The following SHISA6 variants were observed in gnomAD, a reference collection of about 807,000 sequenced individuals.
The protein encoded by SHISA6 is protein shisa-6.
Under a neutral mutation model 47.9 loss-of-function variants are expected in SHISA6, and 22 were observed. The observed-to-expected ratio is 0.46, with a 90% CI of 0.33 to 0.66. The LOEUF is 0.66. Ranked by LOEUF, SHISA6 falls within the 30% of genes least tolerant of loss-of-function variation. The pLI is 0.02. For missense variants in SHISA6, 680 were observed against 764.6 expected (o/e 0.89, Z 1.30); for synonymous variants, 388 against 337.8 (o/e 1.15, Z -1.63).
chr17:11,302,845 A>G lies in SHISA6; in HGVS notation c.799+39319A>G, dbSNP rs183792202. ...TAGAAACAATATGGGGGTGGGGGAAAAAGCAGAGAGTCATCCAGGTGGAGA... is the reference window on the plus strand; with the variant it reads ...TAGAAACAATATGGGGGTGGGGGAAGAAGCAGAGAGTCATCCAGGTGGAGA... On this transcript the variant is annotated intron_variant, in intron 2 of 5. Transcript: ENST00000441885. 3.5e-3 allele frequency among the ~76,000 whole-genome samples: 526 copies of G among 151,250 alleles called. 2 individuals are homozygous for G. Among genetic ancestry groups the G allele is most frequent in the African/African-American group, 0.012 (494 of 41,318 alleles).
intron 3 of SHISA6, among the ~76,000 whole-genome samples, chr17:11,439,122 G>A (rs561768515): frequency 3.4e-4 from 52 of 152,204 alleles, no homozygotes; most frequent in Admixed American, 2.4e-3. Flanking sequence ...ATTGGCTAAG[G>A]GTATGCCTGA....
chr17:11,464,285 T>C (rs1567612777), intron 3 of SHISA6, among the ~76,000 whole-genome samples: 1 of 152,162 alleles, frequency 6.6e-6, no homozygotes, highest in African/African-American at 2.4e-5. Flanking sequence ...TCCCTCCTTT[T>C]TGGATTAACT....
intron 5 of SHISA6, 110 bp downstream of exon 5, chr17:11,556,002 A>G (rs2071975647): frequency 7.7e-7 from 1 of 1,306,572 alleles, no homozygotes; most frequent in Non-Finnish European, 1.0e-6. Flanking sequence ...AATCCCAAGA[A>G]TAAAGAAGGA....
chr17:11,361,305 C>A (rs1912275303), intron 2 of SHISA6, among the ~76,000 whole-genome samples: 1 of 152,124 alleles, frequency 6.6e-6, no homozygotes, highest in Non-Finnish European at 1.5e-5. Flanking sequence ...GGAGAATTTA[C>A]ACTTTCACAA....
At chr17:11,252,249 G>T (rs1907840046) in intron 1 of SHISA6, among the ~76,000 whole-genome samples, 1 of 152,162 alleles carries the variant, frequency 6.6e-6, no homozygotes, top group South Asian at 2.1e-4. Flanking sequence ...GCTGCTTTCT[G>T]CAGTCTTCGC....
intron 3 of SHISA6, among the ~76,000 whole-genome samples, chr17:11,447,972 G>A (rs1567608362): frequency 6.6e-6 from 1 of 152,162 alleles, no homozygotes; most frequent in Non-Finnish European, 1.5e-5. Flanking sequence ...GCCGCCAACT[G>A]TGCATTCCAC....
intron 2 of SHISA6, among the ~76,000 whole-genome samples, chr17:11,366,189 C>T (rs1395298579): frequency 1.3e-5 from 2 of 152,218 alleles, no homozygotes; most frequent in East Asian, 1.9e-4. Flanking sequence ...ATTCTGTTAC[C>T]CAGGGTGGAG....
chr17:11,381,341 G>A (rs1913000792), intron 3 of SHISA6, among the ~76,000 whole-genome samples: 1 of 152,186 alleles, frequency 6.6e-6, no homozygotes, highest in Admixed American at 6.5e-5. Context: ...ATTTAATGAG[G>A]CCTGCTATGT....
intron 3 of SHISA6, among the ~76,000 whole-genome samples, chr17:11,546,254 G>C (rs555281072): frequency 6.6e-5 from 10 of 152,244 alleles, no homozygotes; most frequent in Admixed American, 1.3e-4. Context: ...GTAGGGACTT[G>C]AATTGACTTA....
intron 2 of SHISA6, among the ~76,000 whole-genome samples, chr17:11,350,674 C>T (rs1911858168): frequency 6.6e-6 from 1 of 152,020 alleles, no homozygotes; most frequent in African/African-American, 2.4e-5. Flanking sequence ...TTTATCTTAC[C>T]TTTATCTTTA....
chr17:11,371,283 G>C (rs1345720559), intron 2 of SHISA6, among the ~76,000 whole-genome samples: 2 of 152,174 alleles, frequency 1.3e-5, no homozygotes, highest in Non-Finnish European at 2.9e-5. Context: ...TGTATAGTCA[G>C]GGTTGTGTAT....
At chr17:11,402,629 C>T (rs1290494913) in intron 3 of SHISA6, among the ~76,000 whole-genome samples, 1 of 152,200 alleles carries the variant, frequency 6.6e-6, no homozygotes, top group Non-Finnish European at 1.5e-5. Flanking sequence ...AATGTTTTTA[C>T]TTTGACTTGA....
At chr17:11,371,762 C>G (rs1467947533) in intron 2 of SHISA6, among the ~76,000 whole-genome samples, 1 of 151,768 alleles carries the variant, frequency 6.6e-6, no homozygotes, top group Non-Finnish European at 1.5e-5. Flanking sequence ...GCCCATGAGC[C>G]CACTTTATAA....
chr17:11,419,286 A>C (rs572875500), intron 3 of SHISA6, among the ~76,000 whole-genome samples: 1 of 152,172 alleles, frequency 6.6e-6, no homozygotes, highest in Non-Finnish European at 1.5e-5. Flanking sequence ...AACAACTGTC[A>C]ATGTATAGTT....
intron 2 of SHISA6, among the ~76,000 whole-genome samples, chr17:11,277,717 C>T (rs976751690): frequency 2.0e-5 from 3 of 152,110 alleles, no homozygotes; most frequent in African/African-American, 7.2e-5. Flanking sequence ...ATGGGCTCTA[C>T]AGTGTCCAGG....
intron 2 of SHISA6, among the ~76,000 whole-genome samples, chr17:11,283,806 T>C (rs1187537612): frequency 6.6e-6 from 1 of 152,242 alleles, no homozygotes; most frequent in African/African-American, 2.4e-5. Flanking sequence ...ATTCCAGTTC[T>C]GTTCTGTGCT....
chr17:11,521,211 G>A (rs1025369576), intron 3 of SHISA6, among the ~76,000 whole-genome samples: 2 of 152,000 alleles, frequency 1.3e-5, no homozygotes, highest in African/African-American at 4.8e-5. Flanking sequence ...ATTAACCAGT[G>A]GATTATATTG....
intron 3 of SHISA6, among the ~76,000 whole-genome samples, chr17:11,426,644 A>G (rs1005906369): frequency 6.6e-6 from 1 of 152,194 alleles, no homozygotes; most frequent in Admixed American, 6.5e-5. Context: ...TTATTTTTGA[A>G]CCACTCTCAA....
At chr17:11,249,124 C>T (rs928096574) in intron 1 of SHISA6, among the ~76,000 whole-genome samples, 13 of 137,010 alleles carry the variant, frequency 9.5e-5, no homozygotes, top group Admixed American at 1.6e-4. Context: ...GGCAACAGAG[C>T]GAGACTCCGT....
Sources: gnomAD v4.1 joint callset for allele counts (sites outside exome capture counted in the v4.1 genomes callset) on GRCh38, gnomAD v4.1.1 for gene constraint, MANE v1.5 for transcripts, NCBI Gene and HGNC (gene_info 2026-07-23, HGNC 2026-07-21) for gene names.